Variants in HSD17B12 observed in about 807,000 individuals in gnomAD.
The protein encoded by HSD17B12 is hydroxysteroid 17-beta dehydrogenase 12.
A neutral mutation model predicts 39.3 loss-of-function variants in HSD17B12; 32 were observed. The observed-to-expected ratio is 0.81, with a 90% CI of 0.61 to 1.09. The LOEUF is 1.09. Ranked by LOEUF, HSD17B12 falls within the 50% of genes least tolerant of loss-of-function variation. The probability of loss-of-function intolerance (pLI) is 0.00; values close to 1 mark genes in which losing one functional copy is unlikely to be tolerated. For missense variants in HSD17B12, 342 were observed against 382.9 expected (o/e 0.89, Z 0.89); for synonymous variants, 150 against 146.7 (o/e 1.02, Z -0.16).
chr11:43,671,168 TTTA>T, the HSD17B12 span, among the ~76,000 whole-genome samples: 15 of 152,120 alleles, frequency 9.9e-5, no homozygotes, highest in Non-Finnish European at 1.9e-4. Flanking sequence ...TTTTATTTTA[TTTA>T]TTTATTTTTT....
In HSD17B12 at chr11:43,741,819, C is replaced by T. The variant is rs11037590; in HGVS notation, c.161-9092C>T. Among the ~76,000 whole-genome samples, 721 of 149,776 alleles carry T rather than the reference C, an allele frequency of 4.8e-3. 6 individuals carry two copies. Among genetic ancestry groups the T allele is most frequent in the East Asian group, 0.042 (214 of 5,042 alleles). Reference sequence around the variant, plus strand: ...CGCGACCTCGGCTCACTGCAACCTCCCCCTCTTGGGTTCACTCCATCCTCC... The same window carrying T: ...CGCGACCTCGGCTCACTGCAACCTCTCCCTCTTGGGTTCACTCCATCCTCC... On this transcript the variant is annotated intron_variant, in intron 1 of 10. Coordinates refer to ENST00000278353, the MANE Select transcript of HSD17B12 (RefSeq NM_016142.3).
chr11:43,706,689 G>GGTGT (rs147962977), intron 1 of HSD17B12, among the ~76,000 whole-genome samples: 1,549 of 137,888 alleles, frequency 0.011, 5 homozygotes, highest in Middle Eastern at 0.032. Flanking sequence ...TGAATGAAGG[G>GGTGT]GTGTGTGTGT....
chr11:43,643,602 C>G, the HSD17B12 span, among the ~76,000 whole-genome samples: 1 of 151,926 alleles, frequency 6.6e-6, no homozygotes. Flanking sequence ...AGGTTTTCCC[C>G]TAAAAAAAAC....
chr11:43,663,839 T>A, the HSD17B12 span, among the ~76,000 whole-genome samples: 1 of 151,922 alleles, frequency 6.6e-6, no homozygotes, highest in African/African-American at 2.4e-5. Flanking sequence ...TAAGGGTTTT[T>A]ATTTTTATTT....
At chr11:43,741,770 G>A (rs912664903) in intron 1 of HSD17B12, among the ~76,000 whole-genome samples, 1 of 109,100 alleles carries the variant, frequency 9.2e-6, no homozygotes. Flanking sequence ...GTCTCGCTTT[G>A]TCGCCCAGGC....
At chr11:43,593,901 C>T in the HSD17B12 span, among the ~76,000 whole-genome samples, 1 of 152,094 alleles carries the variant, frequency 6.6e-6, no homozygotes, top group Non-Finnish European at 1.5e-5. Flanking sequence ...TTCTGTGCCA[C>T]TCTCTTCTTG....
At chr11:43,614,502 A>G in the HSD17B12 span, among the ~76,000 whole-genome samples, 1 of 152,148 alleles carries the variant, frequency 6.6e-6, no homozygotes, top group Non-Finnish European at 1.5e-5. Flanking sequence ...CAATGTGACT[A>G]CAATGTGCCT....
chr11:43,733,815 A>T, intron 1 of HSD17B12: 1 of 712,760 alleles, frequency 1.4e-6, no homozygotes, highest in South Asian at 1.4e-5. Flanking sequence ...TAGCCGTTGC[A>T]GGAGGTGTGG....
At chr11:43,784,284 G>A (rs1156834567) in intron 3 of HSD17B12, among the ~76,000 whole-genome samples, 1 of 149,326 alleles carries the variant, frequency 6.7e-6, no homozygotes, top group Non-Finnish European at 1.5e-5. Flanking sequence ...AACACAAGTA[G>A]TTTAGGTCAG....
At chr11:43,558,481 T>C in the HSD17B12 span, among the ~76,000 whole-genome samples, 1 of 152,030 alleles carries the variant, frequency 6.6e-6, no homozygotes, top group Non-Finnish European at 1.5e-5. Flanking sequence ...CTGTACATTT[T>C]TTTCCCCCTG....
chr11:43,602,562 T>C, the HSD17B12 span, among the ~76,000 whole-genome samples: 3 of 152,220 alleles, frequency 2.0e-5, no homozygotes, highest in African/African-American at 7.2e-5. Flanking sequence ...CCTCACTGCC[T>C]GTAGCAGCTC....
chr11:43,586,883 C>T, the HSD17B12 span, among the ~76,000 whole-genome samples: 1 of 152,154 alleles, frequency 6.6e-6, no homozygotes, highest in Non-Finnish European at 1.5e-5. Flanking sequence ...GCTCTTTGCT[C>T]CCCCCACCTC....
the HSD17B12 span, among the ~76,000 whole-genome samples, chr11:43,558,632 G>C: frequency 6.6e-6 from 1 of 152,178 alleles, no homozygotes; most frequent in East Asian, 1.9e-4. Context: ...TGAATGTCTG[G>C]TTCAGATGAG....
At chr11:43,581,180 C>A in the HSD17B12 span, among the ~76,000 whole-genome samples, 153 of 152,180 alleles carry the variant, frequency 1.0e-3, no homozygotes, top group African/African-American at 3.6e-3. This position sits in a 1 kb window ranked among gnomAD's most constrained non-coding sequence, Gnocchi z 4.9. Flanking sequence ...CCCTTCTCGC[C>A]CTCCACACAC....
the HSD17B12 span, among the ~76,000 whole-genome samples, chr11:43,577,601 C>T: frequency 6.6e-6 from 1 of 152,128 alleles, no homozygotes. Flanking sequence ...TCGTCCCCTC[C>T]CACTTCATGC....
intron 3 of HSD17B12, among the ~76,000 whole-genome samples, chr11:43,757,656 A>G (rs1454505673): frequency 1.4e-5 from 2 of 142,504 alleles, no homozygotes; most frequent in African/African-American, 5.2e-5. Context: ...AAAAAAAAAA[A>G]AAAAAAAAAA....
intron 1 of HSD17B12, among the ~76,000 whole-genome samples, chr11:43,690,849 G>T (rs1949856271): frequency 6.6e-6 from 1 of 151,990 alleles, no homozygotes. Flanking sequence ...ATTAAATGGG[G>T]CTAACTGATT....
At chr11:43,628,241 A>C in the HSD17B12 span, among the ~76,000 whole-genome samples, 4 of 152,024 alleles carry the variant, frequency 2.6e-5, no homozygotes, top group African/African-American at 7.2e-5. Context: ...AAACAAAAAC[A>C]AAAACCAAAA....
chr11:43,595,388 A>G, the HSD17B12 span, among the ~76,000 whole-genome samples: 1 of 152,244 alleles, frequency 6.6e-6, no homozygotes, highest in Non-Finnish European at 1.5e-5. Context: ...ATCAGCTGGT[A>G]AGTGATATAC....
Sources: allele counts gnomAD v4.1 joint callset (sites outside exome capture counted in the v4.1 genomes callset), GRCh38; gene constraint gnomAD v4.1.1; non-coding constraint Gnocchi (gnomAD v3.1); transcripts MANE v1.5; gene names NCBI Gene and HGNC (gene_info 2026-07-23, HGNC 2026-07-21).